The following ZFHX3 variants were observed in gnomAD, a reference collection of about 807,000 sequenced individuals.
ZFHX3 encodes the protein zinc finger homeobox 3.
In ZFHX3, 42 loss-of-function variants were observed where a neutral mutation model predicts 279.1. The observed-to-expected ratio is 0.15, with a 90% CI of 0.12 to 0.19. The LOEUF is 0.19. ZFHX3 is among the 10% of genes least tolerant of loss of function. The pLI, the probability that ZFHX3 is intolerant of heterozygous loss-of-function variation, is 1.00. For missense variants in ZFHX3, 4,981 were observed against 4,754.0 expected (o/e 1.05, Z -1.40); for synonymous variants, 2,293 against 1,957.8 (o/e 1.17, Z -4.52).
Position 73,542,897 on chromosome 16 carries a change from T to A in ZFHX3, c.-1546-86639A>T, listed in dbSNP as rs113040299. Among the ~76,000 whole-genome samples the A allele has an allele frequency of 3.4e-3, 515 of 152,304 alleles. 1 individual carries two copies. Among genetic ancestry groups the A allele is most frequent in the Middle Eastern group, 0.014 (4 of 294 alleles). Reference sequence around the variant, plus strand: ...TGGGAAGGGGTTAGAGCAATGGAACTTCACTCTGTTGTGTAAATTTTGGGG... The same window carrying A: ...TGGGAAGGGGTTAGAGCAATGGAACATCACTCTGTTGTGTAAATTTTGGGG... On this transcript the variant is annotated intron_variant, in intron 2 of 17. Coordinates refer to the ZFHX3 transcript ENST00000641206.
At chr16:73,756,676 G>C (rs568979568) in intron 1 of ZFHX3, among the ~76,000 whole-genome samples, 1 of 151,984 alleles carries the variant, frequency 6.6e-6, no homozygotes, top group Non-Finnish European at 1.5e-5. Context: ...GCTTGGGTCC[G>C]GAAAGCCCAG....
intron 8 of ZFHX3, among the ~76,000 whole-genome samples, chr16:73,066,226 G>A (rs1409293909): frequency 6.6e-6 from 1 of 152,226 alleles, no homozygotes; most frequent in African/African-American, 2.4e-5. Flanking sequence ...TCAGGCCCGG[G>A]CGTGAGACGC....
At chr16:73,191,620 T>G (rs72797319) in intron 5 of ZFHX3, among the ~76,000 whole-genome samples, 1 of 152,328 alleles carries the variant, frequency 6.6e-6, no homozygotes, top group Admixed American at 6.5e-5. Flanking sequence ...TACTCGATTT[T>G]TCCCCCCAGA....
At chr16:73,048,757 G>C (rs1050545977), upstream of ZFHX3, among the ~76,000 whole-genome samples, 1 of 152,240 alleles carries the variant, frequency 6.6e-6, no homozygotes, top group African/African-American at 2.4e-5. Flanking sequence ...CTGCTTTACA[G>C]AGCACTTCTG....
At chr16:73,399,791 A>C (rs1197339880) in intron 3 of ZFHX3, among the ~76,000 whole-genome samples, 1 of 151,280 alleles carries the variant, frequency 6.6e-6, no homozygotes, top group Non-Finnish European at 1.5e-5. Context: ...GGGCCATCAA[A>C]AGTGTGTGGA....
Position 72,950,813 on chromosome 16 carries a change from G to A in ZFHX3, c.2872C>T (p.Leu958=), listed in dbSNP as rs1960955446. ...AVCNKFTTDN[L]DMLGLHMNVE... Reference sequence around the variant, plus strand: ...TTCATGTGCAGGCCCAGCATGTCCAGGTTGTCCGTCGTGAACTTGTTGCAG... The same window carrying A: ...TTCATGTGCAGGCCCAGCATGTCCAAGTTGTCCGTCGTGAACTTGTTGCAG... Residue 958 remains leucine (L), a synonymous_variant, in exon 3 of 10, where the codon CTG becomes TTG. Coordinates refer to ENST00000268489, the MANE Select transcript of ZFHX3 (RefSeq NM_006885.4). The A allele has an allele frequency of 5.6e-6, 9 of 1,614,192 alleles. No homozygotes were observed. Among genetic ancestry groups the A allele is most frequent in the Non-Finnish European group, 7.6e-6 (9 of 1,180,038 alleles).
chr16:73,185,931 A>G (rs1171956184), intron 5 of ZFHX3, among the ~76,000 whole-genome samples: 1 of 152,076 alleles, frequency 6.6e-6, no homozygotes, highest in Middle Eastern at 3.2e-3. Flanking sequence ...TATCCCTCTC[A>G]TTACCACCTT....
chr16:73,275,550 G>T (rs1490611767), intron 4 of ZFHX3, among the ~76,000 whole-genome samples: 1 of 152,140 alleles, frequency 6.6e-6, no homozygotes, highest in Non-Finnish European at 1.5e-5. Context: ...ATACCTCAGA[G>T]ATATTCTGAG....
intron 5 of ZFHX3, among the ~76,000 whole-genome samples, chr16:73,239,697 G>T (rs866570274): frequency 1.3e-5 from 2 of 152,136 alleles, no homozygotes; most frequent in African/African-American, 4.8e-5. Flanking sequence ...AAGAAGGAAC[G>T]GGGATGATTT....
chr16:72,971,568 G>A (rs1454524768), intron 1 of ZFHX3, among the ~76,000 whole-genome samples: 1 of 152,112 alleles, frequency 6.6e-6, no homozygotes, highest in African/African-American at 2.4e-5. Context: ...ATGACGTTGT[G>A]TCTGTATTGC....
chr16:73,197,388 G>C (rs1331913030), intron 5 of ZFHX3, among the ~76,000 whole-genome samples: 1 of 152,180 alleles, frequency 6.6e-6, no homozygotes, highest in Non-Finnish European at 1.5e-5. Context: ...AGCTAGCAAG[G>C]TGGATATGGT....
chr16:73,753,313 G>A (rs1490309112), intron 1 of ZFHX3, among the ~76,000 whole-genome samples: 1 of 152,108 alleles, frequency 6.6e-6, no homozygotes, highest in African/African-American at 2.4e-5. Context: ...GGTGACCAAA[G>A]CAATCCCTAG....
intron 3 of ZFHX3, among the ~76,000 whole-genome samples, chr16:73,439,929 A>G (rs951646414): frequency 3.5e-4 from 51 of 144,766 alleles, no homozygotes; most frequent in Middle Eastern, 3.4e-3. Context: ...AAAAAAAAAA[A>G]AAACACAAAA....
intron 2 of ZFHX3, among the ~76,000 whole-genome samples, chr16:73,649,086 C>G (rs2052646991): frequency 6.6e-6 from 1 of 152,214 alleles, no homozygotes; most frequent in Non-Finnish European, 1.5e-5. Context: ...TCACAATAGC[C>G]TTAACCACAT....
chr16:73,054,016 G>A (rs551681290), intron 1 of ZFHX3, among the ~76,000 whole-genome samples: 3 of 151,890 alleles, frequency 2.0e-5, no homozygotes, highest in East Asian at 3.9e-4. Context: ...TACCATGGAG[G>A]GAGGGGGGAG....
chr16:72,939,606 G>A (rs978376261), intron 3 of ZFHX3, among the ~76,000 whole-genome samples: 1 of 152,208 alleles, frequency 6.6e-6, no homozygotes, highest in African/African-American at 2.4e-5. Flanking sequence ...CATAGATACA[G>A]GCTGGGTGCA....
At chr16:73,601,632 T>A (rs1230575029) in intron 2 of ZFHX3, among the ~76,000 whole-genome samples, 1 of 152,220 alleles carries the variant, frequency 6.6e-6, no homozygotes, top group African/African-American at 2.4e-5. Flanking sequence ...AACAGACAGT[T>A]CTTTTGATTT....
intron 7 of ZFHX3, among the ~76,000 whole-genome samples, chr16:73,094,754 G>T (rs925681276): frequency 3.9e-5 from 6 of 151,988 alleles, no homozygotes; most frequent in African/African-American, 1.4e-4. Flanking sequence ...TTTTTGCCCA[G>T]GCTGGAGTGC....
intron 1 of ZFHX3, among the ~76,000 whole-genome samples, chr16:73,047,119 CTTCT>C (rs957513047): frequency 6.6e-6 from 1 of 152,132 alleles, no homozygotes. Context: ...GCCTACAATG[CTTCT>C]TTTTGTTGTT....
Sources: allele counts gnomAD v4.1 joint callset (sites outside exome capture counted in the v4.1 genomes callset), GRCh38; gene constraint gnomAD v4.1.1; transcripts MANE v1.5; gene names NCBI Gene and HGNC (gene_info 2026-07-23, HGNC 2026-07-21).